The following IQCJ variants were observed in gnomAD, a reference collection of about 807,000 sequenced individuals.
IQCJ encodes IQ motif containing J.
Under a neutral mutation model 11.0 loss-of-function variants are expected in IQCJ, and 9 were observed. The observed-to-expected ratio is 0.82, with a 90% confidence interval of 0.49 to 1.43. IQCJ has a LOEUF of 1.43. IQCJ is among the 40% of genes most tolerant of loss of function. The pLI is 0.00. For synonymous variants in IQCJ, 55 were observed against 51.3 expected, an observed-to-expected ratio of 1.07 and a Z score of -0.31; for missense variants, 146 against 133.2, an observed-to-expected ratio of 1.10 and a Z score of -0.47.
chr3:159,090,429 C>G (rs1423226659), intron 1 of IQCJ, among the ~76,000 whole-genome samples: 1 of 151,850 alleles, frequency 6.6e-6, no homozygotes, highest in East Asian at 1.9e-4. Context: ...GGCTCCTCCA[C>G]CCTCACATAA....
At chr3:159,102,312 G>T (rs1577008375) in intron 1 of IQCJ, among the ~76,000 whole-genome samples, 1 of 152,098 alleles carries the variant, frequency 6.6e-6, no homozygotes, top group African/African-American at 2.4e-5. Flanking sequence ...GTACACCTTG[G>T]TAATAGTATT....
chr3:159,262,963 T>C lies in IQCJ; in HGVS notation c.*232T>C, dbSNP rs1251934306. 2 of 1,242,050 alleles carry C rather than the reference T, an allele frequency of 1.6e-6. No homozygotes were observed. Among genetic ancestry groups the C allele is most frequent in the African/African-American group, 1.5e-5 (1 of 66,656 alleles). 76.9% of individuals were successfully genotyped at this position (1,242,050 alleles called of 1,614,324 possible). ...TATGGAGGTATCTTTTTTGCTTTTCTTTATAATAGCATATTTCTTTTAGTA... is the reference window on the plus strand; with the variant it reads ...TATGGAGGTATCTTTTTTGCTTTTCCTTATAATAGCATATTTCTTTTAGTA... On this transcript the variant is annotated 3_prime_UTR_variant, in exon 4 of 4. Coordinates refer to ENST00000397832, the MANE Select transcript of IQCJ (RefSeq NM_001042706.3).
intron 2 of IQCJ, among the ~76,000 whole-genome samples, chr3:159,247,645 C>A (rs1435384675): frequency 6.6e-6 from 1 of 152,156 alleles, no homozygotes. Context: ...GGTCTTAGGA[C>A]TCTCCGTCAG....
chr3:159,148,499 C>T (rs965763778), intron 1 of IQCJ, among the ~76,000 whole-genome samples: 5 of 152,084 alleles, frequency 3.3e-5, no homozygotes, highest in African/African-American at 7.2e-5. Flanking sequence ...GGGATATTCT[C>T]GAAAGAATCT....
intron 1 of IQCJ, among the ~76,000 whole-genome samples, chr3:159,146,396 C>A (rs916672143): frequency 6.6e-6 from 1 of 152,160 alleles, no homozygotes; most frequent in Admixed American, 6.5e-5. Flanking sequence ...GTTTTCTAGG[C>A]CTTTCTTGCC....
chr3:159,095,430 T>G (rs1294761374), intron 1 of IQCJ, among the ~76,000 whole-genome samples: 1 of 147,198 alleles, frequency 6.8e-6, no homozygotes, highest in Admixed American at 6.8e-5. Context: ...TAGTTACATA[T>G]GTATACATGT....
intron 1 of IQCJ, among the ~76,000 whole-genome samples, chr3:159,090,028 G>T (rs1031721221): frequency 6.6e-6 from 1 of 151,668 alleles, no homozygotes. Flanking sequence ...TTTCTGCTCG[G>T]TTTTTTCCCC....
intron 1 of IQCJ, chr3:159,069,886 T>TGTGC (rs1491105773): frequency 7.2e-6 from 2 of 279,232 alleles, no homozygotes; most frequent in South Asian, 3.1e-5. Context: ...TGTGTGTGTG[T>TGTGC]GCGTGTGTAT....
At chr3:159,155,597 A>G (rs1260724838) in intron 1 of IQCJ, among the ~76,000 whole-genome samples, 2 of 152,358 alleles carry the variant, frequency 1.3e-5, no homozygotes, top group Non-Finnish European at 2.9e-5. Context: ...ACAAAAATAT[A>G]TTTGATTACA....
chr3:159,160,073 T>C (rs915743362), intron 1 of IQCJ, among the ~76,000 whole-genome samples: 1 of 152,186 alleles, frequency 6.6e-6, no homozygotes, highest in African/African-American at 2.4e-5. Flanking sequence ...ATGGCTCAAA[T>C]GACATAAAGC....
At chr3:159,131,505 A>G (rs1719986160) in intron 1 of IQCJ, among the ~76,000 whole-genome samples, 6 of 152,148 alleles carry the variant, frequency 3.9e-5, no homozygotes, top group Admixed American at 2.6e-4. Context: ...TGTGCCTAGT[A>G]TCTGGCAAGG....
At chr3:159,193,830 T>C (rs75754917) in intron 1 of IQCJ, among the ~76,000 whole-genome samples, 4,279 of 152,224 alleles carry the variant, frequency 0.028, 195 homozygotes, top group African/African-American at 0.098. Context: ...TAGATAAGAC[T>C]TAGTACAAGG....
chr3:159,128,958 T>G (rs184510093), intron 1 of IQCJ, among the ~76,000 whole-genome samples: 1 of 152,116 alleles, frequency 6.6e-6, no homozygotes, highest in Non-Finnish European at 1.5e-5. Context: ...GAACTCTATT[T>G]CTTTTTTTTA....
chr3:159,214,221 T>C (rs1367726478), intron 1 of IQCJ, among the ~76,000 whole-genome samples: 1 of 152,158 alleles, frequency 6.6e-6, no homozygotes, highest in Non-Finnish European at 1.5e-5. Flanking sequence ...CTTCCATTCT[T>C]ATAAATGACA....
chr3:159,169,279 CTTTTTTTT>C (rs141888128), intron 1 of IQCJ, among the ~76,000 whole-genome samples: 17 of 56,396 alleles, frequency 3.0e-4, no homozygotes, highest in East Asian at 1.1e-3. Context: ...TTCTTTCTTT[CTTTTTTTT>C]TTTTTTTTTT....
At chr3:159,120,977 T>C (rs1319881666) in intron 1 of IQCJ, among the ~76,000 whole-genome samples, 3 of 151,986 alleles carry the variant, frequency 2.0e-5, no homozygotes, top group African/African-American at 7.2e-5. Context: ...AAAAGCAAAA[T>C]GCAAATGCAA....
rs938563347 is a variant in IQCJ, at chr3:159,099,036, A to T, written c.9+29595A>T. ...TTGTAGGTCACTGAGGACTTGCTTT[A>T]TGAATCTGGGTGCTCCTGTATTGGG... is the stretch of plus-strand genomic sequence containing the variant. On this transcript the variant is annotated intron_variant, in intron 1 of 3. Coordinates refer to ENST00000397832, the MANE Select transcript of IQCJ (RefSeq NM_001042706.3). Among the ~76,000 whole-genome samples the T allele has an allele frequency of 3.0e-3, 2 of 658 alleles. 1 individual carries two copies. The highest frequency in any genetic ancestry group is 0.03 in the African/African-American group (2 of 66). The allele number at this position is 658 out of a possible 152,430, so 0.4% of individuals were successfully genotyped here.
At chr3:159,094,342 G>A (rs1334063739) in intron 1 of IQCJ, among the ~76,000 whole-genome samples, 1 of 150,758 alleles carries the variant, frequency 6.6e-6, no homozygotes, top group Non-Finnish European at 1.5e-5. Context: ...AAGGAAGGTG[G>A]AAAATTTCTT....
intron 1 of IQCJ, among the ~76,000 whole-genome samples, chr3:159,157,786 T>G (rs1359642038): frequency 6.6e-6 from 1 of 152,234 alleles, no homozygotes; most frequent in Non-Finnish European, 1.5e-5. Flanking sequence ...TTCCTCTTAT[T>G]TACACATGGG....
Sources: allele counts gnomAD v4.1 joint callset (sites outside exome capture counted in the v4.1 genomes callset), GRCh38; gene constraint gnomAD v4.1.1; transcripts MANE v1.5; gene names NCBI Gene and HGNC (gene_info 2026-07-23, HGNC 2026-07-21).